Variants in FMN1 observed in about 807,000 individuals in gnomAD.
FMN1 encodes the protein formin 1.
FMN1 carries 110 observed loss-of-function variants against 132.4 expected under a neutral mutation model. That is an observed-to-expected ratio of 0.83 (90% CI 0.71 to 0.97). The LOEUF (loss-of-function observed/expected upper bound fraction) is 0.97. Among genes scored for constraint, FMN1 ranks in the 50% least tolerant of loss-of-function variants. The pLI, the probability that FMN1 is intolerant of heterozygous loss-of-function variation, is 0.00. For missense variants in FMN1, 1,792 were observed against 1,705.3 expected (o/e 1.05, Z -0.90); for synonymous variants, 722 against 651.7 (o/e 1.11, Z -1.64).
intron 15 of FMN1, among the ~76,000 whole-genome samples, chr15:32,893,976 TA>T (rs1349735285): frequency 7.9e-5 from 12 of 152,234 alleles, no homozygotes; most frequent in Non-Finnish European, 1.8e-4. Context: ...TCTGCCACAC[TA>T]GTACCTGCTG....
intron 9 of FMN1, among the ~76,000 whole-genome samples, chr15:32,953,128 A>G (rs1267773071): frequency 6.6e-6 from 1 of 152,032 alleles, no homozygotes; most frequent in Non-Finnish European, 1.5e-5. Context: ...CCCTTTTGTC[A>G]TTCACTCCAC....
chr15:33,069,644 C>T (rs1427336189), intron 5 of FMN1, among the ~76,000 whole-genome samples: 1 of 152,150 alleles, frequency 6.6e-6, no homozygotes, highest in African/African-American at 2.4e-5. Flanking sequence ...TGCAAAAATA[C>T]ATTTCTAGCA....
chr15:32,776,466 A>G (rs1166235515), intron 20 of FMN1, among the ~76,000 whole-genome samples: 2 of 152,216 alleles, frequency 1.3e-5, no homozygotes, highest in Non-Finnish European at 2.9e-5. Context: ...AAATAGGAGA[A>G]TCCCTGCCTC....
At chr15:33,046,338 T>G (rs1047672081) in intron 6 of FMN1, among the ~76,000 whole-genome samples, 4 of 152,122 alleles carry the variant, frequency 2.6e-5, no homozygotes, top group Non-Finnish European at 5.9e-5. Context: ...TGAAGTGCAT[T>G]TGAAAATGAG....
intron 5 of FMN1, among the ~76,000 whole-genome samples, chr15:33,078,090 T>C (rs201132499): frequency 1.3e-5 from 2 of 152,172 alleles, no homozygotes; most frequent in East Asian, 3.8e-4. Flanking sequence ...AAGGGACATA[T>C]TGGGGTTTAG....
At chr15:33,023,890 T>A (rs345854) in intron 6 of FMN1, among the ~76,000 whole-genome samples, 60,134 of 152,038 alleles carry the variant, frequency 0.4, 12,248 homozygotes, top group Admixed American at 0.48. Flanking sequence ...TCAAAACCAT[T>A]CACAAGAATC....
chr15:32,818,725 T>C (rs1234293382), intron 17 of FMN1, among the ~76,000 whole-genome samples: 2 of 152,150 alleles, frequency 1.3e-5, no homozygotes, highest in Non-Finnish European at 2.9e-5. Context: ...TGAGGATCAG[T>C]ATATTCTTGG....
chr15:33,060,927 T>C (rs193050130), intron 6 of FMN1, among the ~76,000 whole-genome samples: 4 of 152,324 alleles, frequency 2.6e-5, no homozygotes, highest in South Asian at 2.1e-4. Context: ...ATCATGACAA[T>C]GTATTTTTTA....
intron 15 of FMN1, among the ~76,000 whole-genome samples, chr15:32,890,761 ATCTT>A (rs1485237732): frequency 6.6e-6 from 1 of 152,114 alleles, no homozygotes; most frequent in Non-Finnish European, 1.5e-5. Context: ...CCAACTACTT[ATCTT>A]TGTTTTTATT....
At chr15:32,806,932 T>C (rs1013483843) in intron 17 of FMN1, among the ~76,000 whole-genome samples, 9 of 152,182 alleles carry the variant, frequency 5.9e-5, no homozygotes, top group African/African-American at 1.9e-4. Context: ...ACAGCCTCTA[T>C]CTACCTAACA....
At chr15:33,039,900 T>C (rs182951) in intron 6 of FMN1, among the ~76,000 whole-genome samples, 129,827 of 152,122 alleles carry the variant, frequency 0.85, 56,005 homozygotes, top group Middle Eastern at 0.9. Flanking sequence ...ACTTCCCCAC[T>C]GCCGCCACTC....
intron 9 of FMN1, among the ~76,000 whole-genome samples, chr15:32,947,555 A>G (rs758630233): frequency 6.6e-6 from 1 of 152,070 alleles, no homozygotes; most frequent in Non-Finnish European, 1.5e-5. Flanking sequence ...AATTCCAAGT[A>G]ATTCTTAGAT....
At chr15:32,850,902 T>A (rs561504256) in intron 17 of FMN1, among the ~76,000 whole-genome samples, 1 of 152,168 alleles carries the variant, frequency 6.6e-6, no homozygotes, top group African/African-American at 2.4e-5. Flanking sequence ...ATTAAGAATA[T>A]CTCTAATCTA....
At chr15:32,981,800 A>G (rs553178550) in intron 7 of FMN1, among the ~76,000 whole-genome samples, 1 of 152,142 alleles carries the variant, frequency 6.6e-6, no homozygotes, top group Non-Finnish European at 1.5e-5. Flanking sequence ...ACGTATACAC[A>G]TATCAAAACA....
intron 4 of FMN1, among the ~76,000 whole-genome samples, chr15:33,100,851 GAT>G (rs964631887): frequency 2.0e-5 from 3 of 152,104 alleles, no homozygotes; most frequent in South Asian, 2.1e-4. Context: ...CATCGATTGT[GAT>G]ATAGTCATTA....
chr15:32,844,984 T>C (rs180834289), intron 17 of FMN1, among the ~76,000 whole-genome samples: 44 of 152,332 alleles, frequency 2.9e-4, no homozygotes, highest in African/African-American at 9.6e-4. Flanking sequence ...CCCGTATTAT[T>C]TGAAGGAATG....
intron 14 of FMN1, 26 bp downstream of exon 14, chr15:32,899,953 G>T: frequency 6.2e-7 from 1 of 1,607,160 alleles, no homozygotes; most frequent in Non-Finnish European, 8.5e-7. Context: ...GGCAGATCAT[G>T]GGAACTTATT....
chr15:33,067,132 C>G (rs1464992161), intron 5 of FMN1: 1 of 1,613,970 alleles, frequency 6.2e-7, no homozygotes, highest in Non-Finnish European at 8.5e-7. Flanking sequence ...TACCAACACT[C>G]GAATTCTGGT....
intron 15 of FMN1, among the ~76,000 whole-genome samples, chr15:32,889,847 T>G (rs185978680): frequency 6.6e-6 from 1 of 152,172 alleles, no homozygotes; most frequent in Non-Finnish European, 1.5e-5. Flanking sequence ...TAGTGGTGAT[T>G]TGTGAAATTT....
Sources: allele counts gnomAD v4.1 joint callset (sites outside exome capture counted in the v4.1 genomes callset), GRCh38; gene constraint gnomAD v4.1.1; transcripts MANE v1.5; gene names NCBI Gene and HGNC (gene_info 2026-07-23, HGNC 2026-07-21).